The following SPOCK3 variants were observed in gnomAD, a reference collection of about 807,000 sequenced individuals.
SPOCK3 encodes the protein SPARC (osteonectin), cwcv and kazal like domains proteoglycan 3.
Under a neutral mutation model 56.6 loss-of-function variants are expected in SPOCK3, and 30 were observed. The observed-to-expected ratio is 0.53, with a 90% CI of 0.40 to 0.72. The LOEUF (loss-of-function observed/expected upper bound fraction) is 0.72. Ranked by LOEUF, SPOCK3 falls within the 30% of genes least tolerant of loss-of-function variation. The pLI, the probability that SPOCK3 is intolerant of heterozygous loss-of-function variation, is 0.00. For synonymous variants in SPOCK3, 196 were observed against 183.3 expected, an observed-to-expected ratio of 1.07 and a Z score of -0.56; for missense variants, 527 against 530.0, an observed-to-expected ratio of 0.99 and a Z score of 0.06.
chr4:166,794,210 C>CAAAAAAAAAA (rs10710162), intron 6 of SPOCK3, among the ~76,000 whole-genome samples: 3 of 73,624 alleles, frequency 4.1e-5, no homozygotes, highest in Admixed American at 1.7e-4. Flanking sequence ...GGTGATAAGG[C>CAAAAAAAAAA]AAAAAAAAAA....
chr4:166,749,991 A>T (rs1433081956), intron 8 of SPOCK3, among the ~76,000 whole-genome samples: 2 of 152,114 alleles, frequency 1.3e-5, no homozygotes, highest in Non-Finnish European at 2.9e-5. Context: ...ACCCTCGTGC[A>T]TTTGAGTCTA....
chr4:166,821,442 T>G (rs1744929850), intron 6 of SPOCK3, among the ~76,000 whole-genome samples: 1 of 152,034 alleles, frequency 6.6e-6, no homozygotes, highest in Non-Finnish European at 1.5e-5. Context: ...ATCCCACTGT[T>G]AGAGAAATGA....
chr4:167,063,741 T>A (rs752904669), intron 2 of SPOCK3, among the ~76,000 whole-genome samples: 1 of 151,944 alleles, frequency 6.6e-6, no homozygotes, highest in Non-Finnish European at 1.5e-5. Flanking sequence ...GTACACATTA[T>A]TTAGCTCCTA....
At chr4:166,832,498 A>G (rs553947519) in intron 6 of SPOCK3, among the ~76,000 whole-genome samples, 35 of 152,304 alleles carry the variant, frequency 2.3e-4, no homozygotes, top group Admixed American at 9.8e-4. Context: ...TGTGGAAATC[A>G]GTTTGGAAAT....
intron 4 of SPOCK3, among the ~76,000 whole-genome samples, chr4:166,985,905 G>A (rs1747108113): frequency 6.6e-6 from 1 of 152,108 alleles, no homozygotes; most frequent in Admixed American, 6.6e-5. Context: ...AACAGATAAA[G>A]TTAAGGTGAT....
chr4:166,845,208 T>C (rs548332692), intron 6 of SPOCK3, among the ~76,000 whole-genome samples: 1 of 152,330 alleles, frequency 6.6e-6, no homozygotes, highest in East Asian at 1.9e-4. Flanking sequence ...AGAAATCATA[T>C]TTTATAATTC....
rs1446215375 is a variant in SPOCK3, at chr4:167,187,397, T to C, written c.189+46588A>G. 2.0e-5 allele frequency among the ~76,000 whole-genome samples: 3 copies of C among 152,002 alleles called. No homozygotes were observed. In the East Asian group the frequency reaches 5.8e-4, roughly 29 times the overall value. ...TCTTTCTTACATTTTTTTCTCATTT[T>C]ATCACTACCCTAATTATGAACCCAA... On this transcript the variant is annotated intron_variant, in intron 2 of 10. Transcript: ENST00000357545.
chr4:166,951,694 G>T lies in SPOCK3; in HGVS notation c.351-38951C>A, dbSNP rs919127128. Among the ~76,000 whole-genome samples, 26 of 141,492 alleles carry T rather than the reference G, an allele frequency of 1.8e-4. 2 individuals are homozygous for T. The highest frequency in any genetic ancestry group is 2.9e-4 in the Non-Finnish European group (19 of 66,292). The allele number at this position is 141,492 out of a possible 152,430, so 92.8% of individuals were successfully genotyped here. Reference sequence around the variant, plus strand: ...TGCAAAAATCCTCAATAAAATACTGGCAAACTGAATCCAGCAGCACATCAA... The same window carrying T: ...TGCAAAAATCCTCAATAAAATACTGTCAAACTGAATCCAGCAGCACATCAA... On this transcript the variant is annotated intron_variant, in intron 4 of 10. Transcript: ENST00000357545.
At chr4:166,741,372 T>C (rs2126391598) in intron 9 of SPOCK3, among the ~76,000 whole-genome samples, 1 of 152,328 alleles carries the variant, frequency 6.6e-6, no homozygotes, top group South Asian at 2.1e-4. Flanking sequence ...TGTCACTGTT[T>C]TTATAAATTT....
chr4:167,174,055 C>T (rs1730741840), intron 2 of SPOCK3, among the ~76,000 whole-genome samples: 1 of 152,064 alleles, frequency 6.6e-6, no homozygotes, highest in African/African-American at 2.4e-5. Context: ...TATTTGGTTA[C>T]CATTGTTTTT....
At chr4:166,951,951 C>G (rs1255845059) in intron 4 of SPOCK3, among the ~76,000 whole-genome samples, 1 of 151,988 alleles carries the variant, frequency 6.6e-6, no homozygotes. Flanking sequence ...TAAGAGCTAT[C>G]TATGACAAAC....
intron 5 of SPOCK3, 128 bp from the exon 6 acceptor site, chr4:166,889,372 T>C (rs1205369155): frequency 8.2e-6 from 5 of 609,846 alleles, no homozygotes; most frequent in Non-Finnish European, 1.5e-5. Flanking sequence ...AGGTAATACG[T>C]CTCCAATACT....
chr4:166,923,449 AAG>A (rs1173062245), intron 4 of SPOCK3, among the ~76,000 whole-genome samples: 2 of 152,218 alleles, frequency 1.3e-5, no homozygotes, highest in Admixed American at 1.3e-4. Context: ...ATACTCAGAA[AAG>A]AGAGATTCTA....
intron 3 of SPOCK3, among the ~76,000 whole-genome samples, chr4:167,061,798 A>G (rs1040334122): frequency 6.6e-6 from 1 of 151,996 alleles, no homozygotes; most frequent in Non-Finnish European, 1.5e-5. Flanking sequence ...GACTACAGAA[A>G]GTTACAAAAA....
intron 3 of SPOCK3, among the ~76,000 whole-genome samples, chr4:167,034,225 G>A (rs1000387197): frequency 2.0e-5 from 3 of 151,606 alleles, no homozygotes; most frequent in Non-Finnish European, 2.9e-5. Flanking sequence ...ACACAAAATT[G>A]TATTTACTAT....
intron 2 of SPOCK3, among the ~76,000 whole-genome samples, chr4:167,066,328 C>T (rs1467563263): frequency 6.6e-6 from 1 of 151,774 alleles, no homozygotes; most frequent in African/African-American, 2.4e-5. Context: ...CCATCCTCTG[C>T]TTCTACTCAT....
chr4:167,153,946 A>T (rs183242217), intron 2 of SPOCK3, among the ~76,000 whole-genome samples: 1 of 151,914 alleles, frequency 6.6e-6, no homozygotes, highest in Non-Finnish European at 1.5e-5. Context: ...CTTCCTTTCC[A>T]TACTCCTCTC....
chr4:166,936,466 T>C (rs923559738), intron 4 of SPOCK3, among the ~76,000 whole-genome samples: 2 of 152,120 alleles, frequency 1.3e-5, no homozygotes, highest in African/African-American at 4.8e-5. Context: ...TTCTAGAAGT[T>C]TGTACATTTA....
chr4:166,930,900 T>C (rs1739666612), intron 4 of SPOCK3, among the ~76,000 whole-genome samples: 1 of 152,188 alleles, frequency 6.6e-6, no homozygotes, highest in South Asian at 2.1e-4. Flanking sequence ...ATTTGTCATT[T>C]GCCAAAACGG....
Sources: allele counts gnomAD v4.1 joint callset (sites outside exome capture counted in the v4.1 genomes callset), GRCh38; gene constraint gnomAD v4.1.1; transcripts MANE v1.5; gene names NCBI Gene and HGNC (gene_info 2026-07-23, HGNC 2026-07-21).